Variants in SCN1A observed in about 807,000 individuals in gnomAD.
SCN1A encodes the protein sodium channel protein type 1 subunit alpha.
SCN1A carries 13 observed loss-of-function variants against 193.7 expected under a neutral mutation model. That is an observed-to-expected ratio of 0.07 (90% CI 0.04 to 0.11). The LOEUF (loss-of-function observed/expected upper bound fraction) is 0.11. Among genes scored for constraint, SCN1A ranks in the 10% least tolerant of loss-of-function variants. SCN1A has a pLI of 1.00. For missense variants in SCN1A, 1,432 were observed against 2,451.1 expected (o/e 0.58, Z 8.78); for synonymous variants, 781 against 843.6 (o/e 0.93, Z 1.29).
intron 3 of SCN1A, among the ~76,000 whole-genome samples, chr2:166,075,625 G>A (rs1399473781): frequency 6.6e-6 from 1 of 151,922 alleles, no homozygotes; most frequent in Non-Finnish European, 1.5e-5. Flanking sequence ...ATTGAATAAA[G>A]TTGCAAGTAA....
chr2:165,999,265 T>C (rs1690496983), intron 25 of SCN1A: 1 of 160,622 alleles, frequency 6.2e-6, no homozygotes, highest in Admixed American at 6.1e-5. Flanking sequence ...TGGTTTAAAA[T>C]AGGATTATTT....
intron 2 of SCN1A, among the ~76,000 whole-genome samples, chr2:166,083,325 C>A (rs1452621635): frequency 6.6e-6 from 1 of 151,850 alleles, no homozygotes; most frequent in African/African-American, 2.4e-5. Flanking sequence ...CATTATCTAC[C>A]CTTAGTTTTT....
chr2:166,124,213 C>G (rs1281781021), intron 2 of SCN1A, among the ~76,000 whole-genome samples: 2 of 151,902 alleles, frequency 1.3e-5, no homozygotes, highest in African/African-American at 4.8e-5. Context: ...AACGCAGACC[C>G]TTCTATCTTC....
chr2:166,028,393 G>T (rs1695087172), intron 19 of SCN1A, among the ~76,000 whole-genome samples: 1 of 152,046 alleles, frequency 6.6e-6, no homozygotes, highest in South Asian at 2.1e-4. Context: ...ATGTTATTTT[G>T]ACATTGATTT....
At chr2:166,017,845 C>T (rs981301650) in intron 19 of SCN1A, among the ~76,000 whole-genome samples, 11 of 151,940 alleles carry the variant, frequency 7.2e-5, no homozygotes. Context: ...TAATTGTTAT[C>T]TGCTAGGTCT....
chr2:166,142,158 A>G (rs973251402), intron 1 of SCN1A, among the ~76,000 whole-genome samples: 1 of 152,214 alleles, frequency 6.6e-6, no homozygotes, highest in Admixed American at 6.5e-5. Context: ...AGGTAGGCAG[A>G]CAGCCAGATC....
At chr2:166,067,678 A>G (rs964286342) in intron 4 of SCN1A, among the ~76,000 whole-genome samples, 3 of 151,382 alleles carry the variant, frequency 2.0e-5, no homozygotes, top group Admixed American at 6.6e-5. Flanking sequence ...CTGATATTAT[A>G]TATAGCATGT....
intron 16 of SCN1A, 164 bp downstream of exon 16, chr2:166,041,065 ATT>A: frequency 1.6e-6 from 1 of 630,670 alleles, no homozygotes; most frequent in Non-Finnish European, 2.8e-6. Flanking sequence ...AAGGGTGATT[ATT>A]TTTGGCAAAA....
chr2:166,039,669 A>G (rs2105818201), intron 16 of SCN1A, 73 bp from the exon 17 acceptor site: 1 of 1,290,716 alleles, frequency 7.7e-7, no homozygotes, highest in Middle Eastern at 2.1e-4. Context: ...CTCTTAGAAC[A>G]TAATGCTTAT....
chr2:165,999,196 T>C (rs1030678062), intron 25 of SCN1A: 3 of 152,950 alleles, frequency 2.0e-5, no homozygotes, highest in African/African-American at 7.3e-5. Context: ...GATTGCAACA[T>C]TAGTAAAGGC....
intron 8 of SCN1A, among the ~76,000 whole-genome samples, chr2:166,052,621 A>AC (rs1162917471): frequency 1.4e-5 from 2 of 148,122 alleles, no homozygotes; most frequent in African/African-American, 2.4e-5. Flanking sequence ...TGAAAAAAAA[A>AC]AAAACCCATG....
At chr2:166,138,659 A>G (rs1438784292) in intron 1 of SCN1A, among the ~76,000 whole-genome samples, 1 of 152,208 alleles carries the variant, frequency 6.6e-6, no homozygotes, top group African/African-American at 2.4e-5. Flanking sequence ...GCCCTCATGG[A>G]GAACCTCTGT....
At position 166,113,538 on chromosome 2, in the gene SCN1A, G is replaced by T. The variant is rs528096869; in HGVS notation, c.-142+13386C>A. ...TTTCCTGTCATTTGTCTTTTAGCTT[G>T]AACAACCGATATATATACTAATCAT... is the stretch of plus-strand genomic sequence containing the variant. On this transcript the variant is annotated intron_variant, in intron 2 of 28. Transcript: ENST00000674923. Among the ~76,000 whole-genome samples, 13 of 146,766 alleles carry T rather than the reference G, an allele frequency of 8.9e-5. No individual in the cohort carries two copies. In the South Asian group the frequency reaches 2.9e-3, roughly 33 times the overall value.
rs796053048 is a variant in SCN1A at position 165,991,522 on chromosome 2, G to T, written c.5753C>A (p.Ser1918Tyr). ...GTAAGCACGCTGAATAATGACAGCA[G>T]ATACTTCCTCTTGTTTTCGTTTTAA... ...TTLKRKQEEV[S>Y]AVIIQRAYRR... is the part of the protein sequence containing the mutation. Residue 1918 changes from serine to tyrosine, a missense_variant, in exon 29 of 29, where the codon TCT becomes TAT. By Grantham distance (144) the Ser-to-Tyr change is moderately radical. Around this residue, in one of 18 missense-constraint regions of SCN1A, gnomAD observed 148 missense variants for 160.3 expected, o/e 0.92. Transcript: ENST00000674923. 1 of 1,613,970 alleles carries T rather than the reference G, an allele frequency of 6.2e-7. No individual in the cohort carries two copies. The highest frequency in any genetic ancestry group is 8.5e-7 in the Non-Finnish European group (1 of 1,179,920).
At chr2:166,133,157 C>A (rs1040229667) in intron 1 of SCN1A, among the ~76,000 whole-genome samples, 3 of 152,150 alleles carry the variant, frequency 2.0e-5, no homozygotes, top group Middle Eastern at 6.8e-3. Flanking sequence ...TAATTAAAAG[C>A]AAAAGAGAAA....
At chr2:166,120,185 T>C (rs1690377879) in intron 2 of SCN1A, among the ~76,000 whole-genome samples, 1 of 151,746 alleles carries the variant, frequency 6.6e-6, no homozygotes, top group Admixed American at 6.6e-5. Context: ...ATGCACTTTA[T>C]GTTCCTTTTT....
At chr2:166,074,633 G>A (rs1456472787) in intron 3 of SCN1A, among the ~76,000 whole-genome samples, 3 of 152,110 alleles carry the variant, frequency 2.0e-5, no homozygotes, top group Non-Finnish European at 2.9e-5. Context: ...ATTGTTTTAA[G>A]GCATATTTAA....
rs745404213 is a variant in SCN1A, at chr2:166,058,634, C to A, written c.319G>T (p.Ala107Ser). 3.1e-6 allele frequency: 5 copies of A among 1,612,544 alleles called. No individual in the cohort carries two copies. The South Asian group carries it at 5.5e-5, about 18-fold the overall frequency. Residue 107 changes from alanine (A) to serine (S), a missense_variant, in exon 5 of 29, where the codon GCC becomes TCC. Physicochemically the swap from Ala to Ser is moderately conservative, Grantham distance 99. This residue lies in a region of SCN1A where 123 missense variants were observed against 282.8 expected (regional missense o/e 0.43). Transcript: ENST00000674923. ...TTGAAGGGAGTTAAAATGTACAGGGCAGAGGTGGCACTGAACCGGAAGATG... is the reference window on the plus strand; with the variant it reads ...TTGAAGGGAGTTAAAATGTACAGGGAAGAGGTGGCACTGAACCGGAAGATG... ...KAIFRFSATS[A>S]LYILTPFNPL...
intron 2 of SCN1A, among the ~76,000 whole-genome samples, chr2:166,117,832 G>A (rs1367345003): frequency 6.6e-6 from 1 of 151,998 alleles, no homozygotes; most frequent in Non-Finnish European, 1.5e-5. Context: ...GTGTGGTAGT[G>A]TGCGCCTGTA....
Sources: allele counts gnomAD v4.1 joint callset (sites outside exome capture counted in the v4.1 genomes callset), GRCh38; gene constraint gnomAD v4.1.1; regional missense constraint gnomAD v4.1.1; transcripts MANE v1.5; gene names NCBI Gene and HGNC (gene_info 2026-07-23, HGNC 2026-07-21).